The following RIOK1 variants were observed in gnomAD, a reference collection of about 807,000 sequenced individuals.
RIOK1 encodes the protein RIO kinase 1.
RIOK1 carries 66 observed loss-of-function variants against 73.5 expected under a neutral mutation model. That is an observed-to-expected ratio of 0.90 (90% CI 0.74 to 1.10). The LOEUF is 1.10. Ranked by LOEUF, RIOK1 falls within the 50% of genes least tolerant of loss-of-function variation. The pLI is 0.00. For missense variants in RIOK1, 658 were observed against 699.8 expected (o/e 0.94, Z 0.67); for synonymous variants, 224 against 226.8 (o/e 0.99, Z 0.11).
chr6:7,414,218 G>A lies in RIOK1; in HGVS notation c.1444-20G>A. 4 of 1,593,850 alleles carry A rather than the reference G, an allele frequency of 2.5e-6. No homozygotes were observed. The highest frequency in any genetic ancestry group is 2.6e-6 in the Non-Finnish European group (3 of 1,172,848). On this transcript the variant is annotated intron_variant, in intron 15 of 16. Coordinates refer to ENST00000379834, the MANE Select transcript of RIOK1 (RefSeq NM_031480.3). The stretch of plus-strand genomic sequence containing the variant: ...GTTTGTGTGTTGTTTAGAATAACAT[G>A]GTTCTTTAATAATTTCAAGGTCCCT...
chr6:7,412,221 C>G (rs189039472), intron 14 of RIOK1, among the ~76,000 whole-genome samples: 1 of 151,426 alleles, frequency 6.6e-6, no homozygotes, highest in African/African-American at 2.4e-5. Context: ...ATTAGCCAGG[C>G]ATGGTGGCGT....
At chr6:7,410,206 C>G (rs552601267) in intron 12 of RIOK1, among the ~76,000 whole-genome samples, 180 bp from the exon 13 acceptor site, 181 of 152,270 alleles carry the variant, frequency 1.2e-3, no homozygotes, top group Middle Eastern at 3.4e-3. Flanking sequence ...TGATGGCAGC[C>G]TTTTTGGTGA....
At chr6:7,413,046 AATGTTATTTTAT>A in intron 15 of RIOK1, 104 bp downstream of exon 15, 1 of 556,628 alleles carries the variant, frequency 1.8e-6, no homozygotes, top group South Asian at 3.2e-5. Flanking sequence ...ATTAGAACTA[AATGTTATTTTAT>A]ATTGTTAAAA....
chr6:7,414,793 G>A (rs909537531), intron 16 of RIOK1, among the ~76,000 whole-genome samples: 1 of 152,318 alleles, frequency 6.6e-6, no homozygotes, highest in African/African-American at 2.4e-5. Flanking sequence ...GTTCCCTGCA[G>A]TCAGCCTTGG....
intron 2 of RIOK1, among the ~76,000 whole-genome samples, chr6:7,394,057 G>A (rs1295765755): frequency 6.6e-6 from 1 of 152,252 alleles, no homozygotes; most frequent in Non-Finnish European, 1.5e-5. Flanking sequence ...AAGTGTGTTA[G>A]GAGTTTGTAA....
At chr6:7,407,287 T>C (rs1761770600) in intron 12 of RIOK1, among the ~76,000 whole-genome samples, 2 of 152,176 alleles carry the variant, frequency 1.3e-5, no homozygotes, top group Admixed American at 6.5e-5. Flanking sequence ...CTCCACATCC[T>C]CACCAGCACT....
intron 12 of RIOK1, among the ~76,000 whole-genome samples, chr6:7,407,408 T>G (rs1456421656): frequency 6.6e-6 from 1 of 152,238 alleles, no homozygotes; most frequent in Non-Finnish European, 1.5e-5. Flanking sequence ...TTTTGGTTTG[T>G]GTTTCCCTGA....
At position 7,390,081 on chromosome 6, in the gene RIOK1, G is replaced by A. The variant is rs552346017; in HGVS notation, c.71+8G>A. 2 of 1,555,072 alleles carry A rather than the reference G, an allele frequency of 1.3e-6. No individual in the cohort carries two copies. Among genetic ancestry groups the A allele is most frequent in the Admixed American group, 1.9e-5 (1 of 52,248 alleles). The stretch of plus-strand genomic sequence containing the variant: ...CGCGGACTCCTCTGACAGGTAGGCG[G>A]CCGTACAGTGCCCTGGCTCTGGGTA... On this transcript the variant is annotated splice_region_variant and intron_variant, in intron 1 of 16. Transcript: ENST00000379834.
At chr6:7,414,645 A>G (rs986775972) in intron 16 of RIOK1, among the ~76,000 whole-genome samples, 1 of 152,210 alleles carries the variant, frequency 6.6e-6, no homozygotes, top group African/African-American at 2.4e-5. Context: ...CACATGAAGT[A>G]CAAGTGATGT....
intron 9 of RIOK1, 78 bp from the exon 10 acceptor site, chr6:7,404,340 G>A: frequency 6.6e-7 from 1 of 1,506,986 alleles, no homozygotes; most frequent in Non-Finnish European, 9.1e-7. Context: ...AGTTGTAGAA[G>A]AGAAGGGCAT....
At chr6:7,401,689 CTT>C (rs35177259) in intron 6 of RIOK1, among the ~76,000 whole-genome samples, 2,002 of 109,218 alleles carry the variant, frequency 0.018, 35 homozygotes, top group African/African-American at 0.064. Flanking sequence ...TAAACAGAGT[CTT>C]TTTTTTTTTT....
At chr6:7,397,754 T>C (rs1761507955) in intron 4 of RIOK1, among the ~76,000 whole-genome samples, 1 of 152,232 alleles carries the variant, frequency 6.6e-6, no homozygotes. Context: ...TTTAAACCTT[T>C]ATTAGTTTAG....
intron 8 of RIOK1, 96 bp downstream of exon 8, chr6:7,402,993 T>C (rs1401616292): frequency 1.9e-6 from 2 of 1,066,032 alleles, no homozygotes; most frequent in African/African-American, 1.6e-5. Flanking sequence ...TGCCCAAATG[T>C]AGGGACTTGT....
chr6:7,404,614 A>C, intron 10 of RIOK1, 59 bp downstream of exon 10: 1 of 1,574,206 alleles, frequency 6.4e-7, no homozygotes, highest in Non-Finnish European at 8.7e-7. Context: ...CTTTAAAATG[A>C]TAAACAAAAT....
chr6:7,407,645 C>T (rs1219843457), intron 12 of RIOK1, among the ~76,000 whole-genome samples: 1 of 151,924 alleles, frequency 6.6e-6, no homozygotes, highest in African/African-American at 2.4e-5. Context: ...ACCATGACAC[C>T]CAGCCAATTT....
At chr6:7,391,713 A>G (rs1043698944) in intron 1 of RIOK1, among the ~76,000 whole-genome samples, 2 of 152,214 alleles carry the variant, frequency 1.3e-5, no homozygotes, top group Admixed American at 6.5e-5. Flanking sequence ...GGGTGGTGGT[A>G]CATTAGTGGC....
At chr6:7,402,202 T>C (rs1761629418) in intron 6 of RIOK1, among the ~76,000 whole-genome samples, 1 of 152,218 alleles carries the variant, frequency 6.6e-6, no homozygotes, top group South Asian at 2.1e-4. Flanking sequence ...TATAGCCTAC[T>C]GCACTCTCAG....
At chr6:7,408,927 G>A (rs543459833) in intron 12 of RIOK1, among the ~76,000 whole-genome samples, 13 of 151,674 alleles carry the variant, frequency 8.6e-5, no homozygotes, top group African/African-American at 2.9e-4. Context: ...CTCCATGTTG[G>A]TCAGGCTGGC....
chr6:7,404,647 A>C, intron 10 of RIOK1, 92 bp downstream of exon 10: 1 of 1,456,658 alleles, frequency 6.9e-7, no homozygotes, highest in Non-Finnish European at 9.4e-7. Flanking sequence ...AGTCACACTA[A>C]CTTCTGAAGT....
Sources: allele counts gnomAD v4.1 joint callset (sites outside exome capture counted in the v4.1 genomes callset), GRCh38; gene constraint gnomAD v4.1.1; transcripts MANE v1.5; gene names NCBI Gene and HGNC (gene_info 2026-07-23, HGNC 2026-07-21).